The following TSPAN7 variants were observed in gnomAD, a reference collection of about 807,000 sequenced individuals.
The protein encoded by TSPAN7 is tetraspanin-7.
In TSPAN7, 1 loss-of-function variant was observed where a neutral mutation model predicts 17.6. The ratio of observed to expected loss-of-function variants is 0.06; its 90% confidence interval spans 0.02 to 0.27. The LOEUF is 0.27. Among genes scored for constraint, TSPAN7 ranks in the 10% least tolerant of loss-of-function variants. TSPAN7 has a pLI of 1.00. For synonymous variants in TSPAN7, 78 were observed against 79.0 expected, an observed-to-expected ratio of 0.99 and a Z score of 0.07; for missense variants, 112 against 201.7, an observed-to-expected ratio of 0.56 and a Z score of 2.69.
intron 1 of TSPAN7, among the ~76,000 whole-genome samples, chrX:38,628,154 T>C (rs964867007): frequency 8.9e-6 from 1 of 112,524 alleles, no homozygotes; most frequent in African/African-American, 3.2e-5. Context: ...CCAAGTACTC[T>C]TTTTATACCC....
At chrX:38,565,010 G>T (rs778263023) in intron 1 of TSPAN7, among the ~76,000 whole-genome samples, 2 of 109,834 alleles carry the variant, frequency 1.8e-5, no homozygotes, top group East Asian at 5.7e-4. Context: ...TTATGCTTTT[G>T]GTGTCATATT....
chrX:38,585,808 G>A (rs374766406), intron 1 of TSPAN7, among the ~76,000 whole-genome samples: 9 of 111,591 alleles, frequency 8.1e-5, no homozygotes, highest in African/African-American at 2.0e-4. Flanking sequence ...TGAAAAAAGC[G>A]TGGAACCTTT....
At chrX:38,636,991 A>G (rs777390776) in intron 1 of TSPAN7, among the ~76,000 whole-genome samples, 16 of 112,543 alleles carry the variant, frequency 1.4e-4, no homozygotes, top group African/African-American at 4.8e-4. Context: ...TAATAAAACT[A>G]CAGTCCTGTT....
chrX:38,655,981 G>A (rs905625831), intron 1 of TSPAN7: 6 of 321,575 alleles, frequency 1.9e-5, no homozygotes, highest in Admixed American at 3.2e-5. Context: ...AAATTGTTAC[G>A]ATTCGTTTTT....
intron 1 of TSPAN7, among the ~76,000 whole-genome samples, chrX:38,602,978 A>C (rs2069354235): frequency 8.9e-6 from 1 of 112,307 alleles, no homozygotes; most frequent in African/African-American, 3.2e-5. Context: ...TAAGCAAAAA[A>C]GTGGATGTTA....
In TSPAN7 at chrX:38,660,115, G is replaced by A. The variant is rs1485270984; in HGVS notation, c.82-6006G>A. Among the ~76,000 whole-genome samples, 4 of 110,864 alleles carry A rather than the reference G, an allele frequency of 3.6e-5. No homozygotes were observed. In the East Asian group the frequency reaches 8.4e-4, roughly 23 times the overall value. ...TCCAAAGTGCTAGGATTACAGGCAT[G>A]AGTCACCACGTCTGGCCCCAGCTAA... On this transcript the variant is annotated intron_variant, in intron 1 of 7. Coordinates refer to ENST00000378482, the MANE Select transcript of TSPAN7 (RefSeq NM_004615.4).
At chrX:38,671,522 G>A in intron 3 of TSPAN7, 72 bp downstream of exon 3, 1 of 993,379 alleles carries the variant, frequency 1.0e-6, no homozygotes, top group Middle Eastern at 2.6e-4. Context: ...CTCTTGAAAT[G>A]TGTAAAGGGT....
chrX:38,687,294 G>T (rs1261939866), intron 6 of TSPAN7, among the ~76,000 whole-genome samples: 1 of 111,251 alleles, frequency 9.0e-6, no homozygotes, highest in Non-Finnish European at 1.9e-5. Context: ...GTCAAAAGTT[G>T]TTCTTAAATG....
At chrX:38,605,088 G>C (rs1417390782) in intron 1 of TSPAN7, among the ~76,000 whole-genome samples, 1 of 108,510 alleles carries the variant, frequency 9.2e-6, no homozygotes, top group East Asian at 2.9e-4. Context: ...GGAAATAAAG[G>C]GTATTCAATT....
intron 1 of TSPAN7, among the ~76,000 whole-genome samples, chrX:38,652,976 T>G (rs1415134941): frequency 8.9e-6 from 1 of 112,142 alleles, no homozygotes; most frequent in African/African-American, 3.2e-5. Flanking sequence ...ACAGAGGAAC[T>G]CAGCCCTTGG....
chrX:38,683,563 C>A (rs2069905888), intron 6 of TSPAN7, among the ~76,000 whole-genome samples: 1 of 112,962 alleles, frequency 8.9e-6, no homozygotes, highest in Admixed American at 9.3e-5. Flanking sequence ...ACTGCTCACC[C>A]ATGTGGCCAG....
intron 1 of TSPAN7, among the ~76,000 whole-genome samples, chrX:38,657,451 G>A (rs766393166): frequency 3.6e-5 from 4 of 111,806 alleles, no homozygotes; most frequent in Non-Finnish European, 7.5e-5. Context: ...AGAGTATTCA[G>A]TCTCTAGCCA....
At chrX:38,584,279 A>G (rs1213711447) in intron 1 of TSPAN7, among the ~76,000 whole-genome samples, 1 of 111,194 alleles carries the variant, frequency 9.0e-6, no homozygotes, top group Non-Finnish European at 1.9e-5. Context: ...AGGGAGATAT[A>G]TAAATAATGT....
intron 1 of TSPAN7, among the ~76,000 whole-genome samples, chrX:38,659,090 AG>A (rs1268445845): frequency 2.7e-5 from 3 of 111,220 alleles, no homozygotes; most frequent in Non-Finnish European, 5.7e-5. Flanking sequence ...TGGAGTAAAA[AG>A]GTTGAATTGG....
At chrX:38,682,478 C>T (rs1569316980) in intron 6 of TSPAN7, among the ~76,000 whole-genome samples, 1 of 112,285 alleles carries the variant, frequency 8.9e-6, no homozygotes. Flanking sequence ...AGAACTTTAG[C>T]CTGATGGTTT....
chrX:38,609,334 A>G (rs914509411), intron 1 of TSPAN7, among the ~76,000 whole-genome samples: 3 of 111,804 alleles, frequency 2.7e-5, no homozygotes, highest in Non-Finnish European at 5.6e-5. Flanking sequence ...TGCCTTGATA[A>G]TAAATCAGTT....
At chrX:38,647,360 G>T (rs942909099) in intron 1 of TSPAN7, among the ~76,000 whole-genome samples, 18 of 111,808 alleles carry the variant, frequency 1.6e-4, no homozygotes, top group African/African-American at 5.8e-4. Context: ...CAGGTCATCC[G>T]CCTGCCTCGG....
At chrX:38,570,341 A>G (rs1246230462) in intron 1 of TSPAN7, among the ~76,000 whole-genome samples, 1 of 112,113 alleles carries the variant, frequency 8.9e-6, no homozygotes, top group Non-Finnish European at 1.9e-5. Context: ...TACGCAATAT[A>G]CAGTTAGGAT....
intron 1 of TSPAN7, among the ~76,000 whole-genome samples, chrX:38,660,314 C>G (rs2069736601): frequency 8.9e-6 from 1 of 111,947 alleles, no homozygotes; most frequent in Non-Finnish European, 1.9e-5. Flanking sequence ...ACTGTTACTT[C>G]TTAAAATAAG....
Sources: gnomAD v4.1 joint callset for allele counts (sites outside exome capture counted in the v4.1 genomes callset) on GRCh38, gnomAD v4.1.1 for gene constraint, MANE v1.5 for transcripts, NCBI Gene and HGNC (gene_info 2026-07-23, HGNC 2026-07-21) for gene names.